The following HMG20A variants were observed in gnomAD, a reference collection of about 807,000 sequenced individuals.
HMG20A encodes the protein high mobility group 20A.
A neutral mutation model predicts 43.9 loss-of-function variants in HMG20A; 17 were observed. The ratio of observed to expected loss-of-function variants is 0.39; its 90% CI spans 0.27 to 0.58. The LOEUF (loss-of-function observed/expected upper bound fraction) is 0.58. HMG20A is among the 20% of genes least tolerant of loss of function. The probability of loss-of-function intolerance (pLI) is 0.59; values close to 1 mark genes in which losing one functional copy is unlikely to be tolerated. For synonymous variants in HMG20A, 132 were observed against 147.5 expected (o/e 0.89, Z 0.76); for missense variants, 341 against 438.2 (o/e 0.78, Z 1.98).
chr15:77,507,312 C>T, the HMG20A span, among the ~76,000 whole-genome samples: 2 of 152,238 alleles, frequency 1.3e-5, no homozygotes, highest in East Asian at 3.9e-4. Flanking sequence ...TTCCCTGCTC[C>T]CCACTGTAAA....
In HMG20A at chr15:77,471,788, G is replaced by GC. The variant is rs770029634; in HGVS notation, c.592dup (p.Arg198ProfsTer6). 1.9e-6 allele frequency: 3 copies of GC among 1,574,044 alleles called. No individual in the cohort carries two copies. The highest frequency in any genetic ancestry group is 2.6e-6 in the Non-Finnish European group (3 of 1,149,922). ...TTATTCTTTTATATTTTTAGATGCA[G>GC]CCCGGCAGGCCACTCATGATCATGA... On this transcript the variant is annotated frameshift_variant, in exon 6 of 10. Coordinates refer to ENST00000336216, the MANE Select transcript of HMG20A (RefSeq NM_001304504.2). LOFTEE classifies it high-confidence loss of function.
In HMG20A at chr15:77,420,936, A is replaced by C. The variant is rs1299569084; in HGVS notation, c.-73A>C. On this transcript the variant is annotated 5_prime_UTR_variant, in exon 1 of 10. Coordinates refer to ENST00000336216, the MANE Select transcript of HMG20A (RefSeq NM_001304504.2). The stretch of plus-strand genomic sequence containing the variant: ...AAGTGAAGGCGATTGAGAGGGGCTG[A>C]GGGAATTGTCCTCTGTGGAAGGGAC... The C allele has an allele frequency of 1.3e-5, 5 of 398,592 alleles. No homozygotes were observed. The highest frequency in any genetic ancestry group is 7.1e-5 in the East Asian group (2 of 28,090). 24.7% of individuals were successfully genotyped at this position (398,592 alleles called of 1,614,324 possible). A position where few individuals can be genotyped will look rare whatever the true frequency, so the allele number is the denominator to read the frequency against.
the HMG20A span, among the ~76,000 whole-genome samples, chr15:77,498,741 G>A: frequency 1.3e-5 from 2 of 152,192 alleles, no homozygotes; most frequent in Non-Finnish European, 2.9e-5. Flanking sequence ...CAATCTCATA[G>A]TGGAAAAACA....
intron 1 of HMG20A, among the ~76,000 whole-genome samples, chr15:77,442,404 G>A (rs796144869): frequency 2.5e-4 from 38 of 152,316 alleles, no homozygotes; most frequent in African/African-American, 8.7e-4. Context: ...TCTGTGCTGT[G>A]TGTTATTGCA....
At chr15:77,489,331 C>T (rs2072961045), downstream of HMG20A, among the ~76,000 whole-genome samples, 1 of 152,160 alleles carries the variant, frequency 6.6e-6, no homozygotes, top group African/African-American at 2.4e-5. Flanking sequence ...TGATAAGTGA[C>T]TTGTGCAGTT....
At chr15:77,436,686 C>CA (rs2073552518) in intron 1 of HMG20A, among the ~76,000 whole-genome samples, 2 of 152,014 alleles carry the variant, frequency 1.3e-5, no homozygotes, top group African/African-American at 4.8e-5. Context: ...CTCAAACTCC[C>CA]AATCTCAAGT....
intron 1 of HMG20A, among the ~76,000 whole-genome samples, chr15:77,427,490 T>G (rs2073438535): frequency 6.6e-6 from 1 of 152,206 alleles, no homozygotes; most frequent in Non-Finnish European, 1.5e-5. Flanking sequence ...GATGTTGTTT[T>G]CACCACGATT....
intron 1 of HMG20A, among the ~76,000 whole-genome samples, chr15:77,432,822 A>T (rs1228024148): frequency 6.6e-6 from 1 of 151,972 alleles, no homozygotes; most frequent in Non-Finnish European, 1.5e-5. Context: ...GACCTCTAGC[A>T]ATATTGATAA....
chr15:77,477,819 A>G (rs767453609), intron 7 of HMG20A, among the ~76,000 whole-genome samples, 189 bp downstream of exon 7: 5 of 152,208 alleles, frequency 3.3e-5, no homozygotes, highest in Non-Finnish European at 5.9e-5. Flanking sequence ...AATAAATGCA[A>G]ATCACAAATT....
chr15:77,469,633 G>A (rs1202614485), intron 4 of HMG20A, among the ~76,000 whole-genome samples: 5 of 151,784 alleles, frequency 3.3e-5, no homozygotes, highest in East Asian at 1.9e-4. Flanking sequence ...CACCATGCCC[G>A]ACCCCCTACC....
intron 1 of HMG20A, among the ~76,000 whole-genome samples, chr15:77,443,607 G>A (rs1053298916): frequency 4.6e-5 from 7 of 151,608 alleles, no homozygotes; most frequent in African/African-American, 1.5e-4. Flanking sequence ...GGCCAGGCTC[G>A]TCTTGAACTC....
intron 1 of HMG20A, among the ~76,000 whole-genome samples, chr15:77,443,285 G>A (rs1235343865): frequency 6.9e-6 from 1 of 144,516 alleles, no homozygotes; most frequent in Non-Finnish European, 1.5e-5. Context: ...TGCCCACCTC[G>A]GCCTCCCAAC....
At chr15:77,450,823 AAGGAGAGTTCTTGTT>A (rs2073728843) in intron 1 of HMG20A, among the ~76,000 whole-genome samples, 1 of 152,190 alleles carries the variant, frequency 6.6e-6, no homozygotes, top group Non-Finnish European at 1.5e-5. Context: ...TCATACAATG[AAGGAGAGTTCTTGTT>A]CCACATCCTT....
chr15:77,470,637 T>C (rs966781454), intron 4 of HMG20A, among the ~76,000 whole-genome samples: 1 of 152,224 alleles, frequency 6.6e-6, no homozygotes, highest in African/African-American at 2.4e-5. Context: ...ATGAATTTTT[T>C]ATAAGAATGA....
chr15:77,505,270 G>T, the HMG20A span, among the ~76,000 whole-genome samples: 1 of 152,256 alleles, frequency 6.6e-6, no homozygotes, highest in Non-Finnish European at 1.5e-5. Context: ...GGCTGAAGCA[G>T]GCAGAGATTT....
chr15:77,490,777 G>A, the HMG20A span, among the ~76,000 whole-genome samples: 1 of 152,202 alleles, frequency 6.6e-6, no homozygotes, highest in African/African-American at 2.4e-5. Flanking sequence ...AAAAATCAAG[G>A]ATTTGTTTTT....
chr15:77,438,434 CAT>C (rs2073574150), intron 1 of HMG20A, among the ~76,000 whole-genome samples: 1 of 152,000 alleles, frequency 6.6e-6, no homozygotes, highest in Non-Finnish European at 1.5e-5. Context: ...AAGTATATGA[CAT>C]GTCTTTTAAT....
At chr15:77,434,982 A>T (rs190081490) in intron 1 of HMG20A, among the ~76,000 whole-genome samples, 1 of 152,294 alleles carries the variant, frequency 6.6e-6, no homozygotes, top group East Asian at 1.9e-4. Flanking sequence ...ATCGAAATAG[A>T]ATGGGTAAAC....
intron 1 of HMG20A, among the ~76,000 whole-genome samples, chr15:77,428,967 A>G (rs1236581318): frequency 6.6e-6 from 1 of 151,916 alleles, no homozygotes; most frequent in East Asian, 1.9e-4. Flanking sequence ...TGTCTCAAAA[A>G]AAAAAAAAAA....
Sources: allele counts gnomAD v4.1 joint callset (sites outside exome capture counted in the v4.1 genomes callset), GRCh38; gene constraint gnomAD v4.1.1; transcripts MANE v1.5; gene names NCBI Gene and HGNC (gene_info 2026-07-23, HGNC 2026-07-21).